Variants in NTNG1 observed in about 807,000 individuals in gnomAD.
NTNG1 encodes netrin-G1.
NTNG1 carries 16 observed loss-of-function variants against 54.0 expected under a neutral mutation model. That is an observed-to-expected ratio of 0.30 (90% CI 0.20 to 0.45). The LOEUF is 0.45. Among genes scored for constraint, NTNG1 ranks in the 20% least tolerant of loss-of-function variants. The probability of loss-of-function intolerance (pLI) is 1.00; values close to 1 mark genes in which losing one functional copy is unlikely to be tolerated. For missense variants in NTNG1, 530 were observed against 678.7 expected (o/e 0.78, Z 2.43); for synonymous variants, 255 against 263.1 (o/e 0.97, Z 0.30).
At chr1:107,419,556 A>T (rs1433102896) in intron 5 of NTNG1, among the ~76,000 whole-genome samples, 1 of 151,696 alleles carries the variant, frequency 6.6e-6, no homozygotes, top group East Asian at 1.9e-4. Context: ...CTATAGATAT[A>T]TATAGTCATG....
chr1:107,222,866 A>C (rs1289906443), intron 2 of NTNG1, among the ~76,000 whole-genome samples: 3 of 143,374 alleles, frequency 2.1e-5, no homozygotes, highest in Non-Finnish European at 4.5e-5. Flanking sequence ...TTCAGAACTC[A>C]TTTAGGGAGC....
chr1:107,455,765 ATG>A (rs1676917265), intron 7 of NTNG1: 1 of 328,754 alleles, frequency 3.0e-6, no homozygotes, highest in South Asian at 2.3e-5. Flanking sequence ...TCAGTGCTAC[ATG>A]GTCAGGCTGC....
chr1:107,306,291 T>C (rs4528143), intron 2 of NTNG1, among the ~76,000 whole-genome samples: 1 of 152,218 alleles, frequency 6.6e-6, no homozygotes, highest in Non-Finnish European at 1.5e-5. Flanking sequence ...AGCGAGGTAT[T>C]CTTACATTGT....
chr1:107,443,861 C>T (rs1676136720), intron 7 of NTNG1, among the ~76,000 whole-genome samples: 1 of 152,078 alleles, frequency 6.6e-6, no homozygotes, highest in Non-Finnish European at 1.5e-5. Flanking sequence ...AGCATCATTT[C>T]CCTTGCTACA....
At chr1:107,273,051 T>C (rs752941019) in intron 2 of NTNG1, among the ~76,000 whole-genome samples, 1 of 152,226 alleles carries the variant, frequency 6.6e-6, no homozygotes, top group Non-Finnish European at 1.5e-5. Flanking sequence ...TACTATTTCT[T>C]AGTAAAGGAA....
At chr1:107,206,654 C>T (rs1023210910) in intron 2 of NTNG1, among the ~76,000 whole-genome samples, 1 of 152,084 alleles carries the variant, frequency 6.6e-6, no homozygotes, top group Non-Finnish European at 1.5e-5. Context: ...TAGGAGCCAC[C>T]ACAAGGATTA....
chr1:107,472,723 G>T (rs991621861), intron 7 of NTNG1, among the ~76,000 whole-genome samples: 7 of 151,500 alleles, frequency 4.6e-5, no homozygotes, highest in Admixed American at 6.6e-5. Flanking sequence ...AAGAAAAAAG[G>T]TTTTTTTTTG....
At chr1:107,369,948 T>A (rs1473124793) in intron 3 of NTNG1, among the ~76,000 whole-genome samples, 1 of 152,154 alleles carries the variant, frequency 6.6e-6, no homozygotes, top group East Asian at 1.9e-4. Flanking sequence ...TATATGAATA[T>A]CTAATTGTTT....
chr1:107,188,182 TGTG>T, intron 2 of NTNG1, among the ~76,000 whole-genome samples: 1 of 152,148 alleles, frequency 6.6e-6, no homozygotes, highest in African/African-American at 2.4e-5. Context: ...TCCTGATTGA[TGTG>T]AAGCGACAAT....
chr1:107,143,629 A>C (rs12749155), intron 1 of NTNG1, among the ~76,000 whole-genome samples: 3 of 152,152 alleles, frequency 2.0e-5, no homozygotes, highest in Non-Finnish European at 2.9e-5. Context: ...GTCTTAGGTT[A>C]GTATGAGATT....
At chr1:107,159,916 A>G (rs1655286019) in intron 2 of NTNG1, among the ~76,000 whole-genome samples, 2 of 152,332 alleles carry the variant, frequency 1.3e-5, no homozygotes, top group South Asian at 4.1e-4. Context: ...TGTTCATATA[A>G]ATGGAAATAA....
At chr1:107,404,026 G>GATTTA (rs1211315858) in intron 4 of NTNG1, among the ~76,000 whole-genome samples, 1 of 150,776 alleles carries the variant, frequency 6.6e-6, no homozygotes, top group Non-Finnish European at 1.5e-5. Flanking sequence ...TCCAGAGATG[G>GATTTA]AGTTAAGCTA....
chr1:107,218,062 T>C (rs573861840), intron 2 of NTNG1, among the ~76,000 whole-genome samples: 60 of 152,258 alleles, frequency 3.9e-4, no homozygotes, highest in Admixed American at 3.8e-3. Flanking sequence ...CACACTATTA[T>C]TGTGTTGCTG....
chr1:107,241,951 G>T (rs1004780324), intron 2 of NTNG1, among the ~76,000 whole-genome samples: 3 of 152,276 alleles, frequency 2.0e-5, no homozygotes, highest in African/African-American at 7.2e-5. Flanking sequence ...TTTTGATTAT[G>T]AAATGTATCA....
chr1:107,407,633 T>C, intron 4 of NTNG1, 49 bp from the exon 5 acceptor site: 1 of 1,425,222 alleles, frequency 7.0e-7, no homozygotes, highest in Non-Finnish European at 9.7e-7. Context: ...AGATGTTATG[T>C]ACTAATAAAT....
intron 7 of NTNG1, chr1:107,460,256 C>T (rs1024305201): frequency 1.2e-5 from 5 of 414,010 alleles, no homozygotes; most frequent in East Asian, 1.4e-4. Context: ...TGCACAGTGC[C>T]GAACTGACAG....
chr1:107,297,247 G>A (rs2493993), intron 2 of NTNG1, among the ~76,000 whole-genome samples: 1,211 of 9,786 alleles, frequency 0.12, 91 homozygotes, highest in South Asian at 0.47. Flanking sequence ...ATATATATAT[G>A]CGCACACACA....
At chr1:107,143,490 A>G (rs1481538900) in intron 1 of NTNG1, 2 of 151,800 alleles carry the variant, frequency 1.3e-5, no homozygotes, top group Non-Finnish European at 1.5e-5. Flanking sequence ...AAATTTGGAG[A>G]GTTTTAGTTA....
intron 3 of NTNG1, among the ~76,000 whole-genome samples, chr1:107,390,377 G>A (rs1238808444): frequency 6.6e-6 from 1 of 152,184 alleles, no homozygotes; most frequent in African/African-American, 2.4e-5. Flanking sequence ...CTATGCAAAT[G>A]CTTTGTTTTT....
Sources: allele counts gnomAD v4.1 joint callset (sites outside exome capture counted in the v4.1 genomes callset), GRCh38; gene constraint gnomAD v4.1.1; transcripts MANE v1.5; gene names NCBI Gene and HGNC (gene_info 2026-07-23, HGNC 2026-07-21).